COLQ: variants seen among roughly 807,000 people sequenced by gnomAD.
The protein encoded by COLQ is acetylcholinesterase collagenic tail peptide.
A neutral mutation model predicts 69.0 loss-of-function variants in COLQ; 48 were observed. The ratio of observed to expected loss-of-function variants is 0.70; its 90% CI spans 0.55 to 0.88. COLQ has a LOEUF of 0.88. Ranked by LOEUF, COLQ falls within the 40% of genes least tolerant of loss-of-function variation. The probability of loss-of-function intolerance (pLI) is 0.00; values close to 1 mark genes in which losing one functional copy is unlikely to be tolerated. For missense variants in COLQ, 618 were observed against 594.6 expected, an observed-to-expected ratio of 1.04 and a Z score of -0.41; for synonymous variants, 217 against 211.2, an observed-to-expected ratio of 1.03 and a Z score of -0.24.
chr3:15,518,312 A>C (rs1442557359), intron 1 of COLQ, among the ~76,000 whole-genome samples: 3 of 152,004 alleles, frequency 2.0e-5, no homozygotes, highest in Non-Finnish European at 4.4e-5. Context: ...AATCATTCTT[A>C]TCATCCGTCA....
At chr3:15,467,455 C>T (rs2062216192) in intron 11 of COLQ, among the ~76,000 whole-genome samples, 1 of 152,186 alleles carries the variant, frequency 6.6e-6, no homozygotes, top group Non-Finnish European at 1.5e-5. Context: ...TGGCTTGGTT[C>T]CATCTGTTTC....
Position 15,458,206 on chromosome 3 carries a change from T to C in COLQ, c.934A>G (p.Ser312Gly), listed in dbSNP as rs6782980. The C allele has an allele frequency of 0.019, 30,899 of 1,613,888 alleles. 1,008 individuals are homozygous for C. Among genetic ancestry groups the C allele is most frequent in the African/African-American group, 0.15 (10,896 of 75,004 alleles). The change falls in exon 13 of 17, where the codon AGT (serine) becomes GGT (glycine). Residue 312 changes from serine (S) to glycine (G), a missense_variant. Transcript: ENST00000383788. Reference sequence around the variant, plus strand: ...CTTACCACAGGAACTCGCGGGGAACTGGGCCCATACACAGATTCCCCGTAG... The same window carrying C: ...CTTACCACAGGAACTCGCGGGGAACCGGGCCCATACACAGATTCCCCGTAG... ...PSYGESVYGP[S>G]SPRVPVIFVV... is the part of the protein sequence containing the mutation.
At chr3:15,493,679 G>C (rs2062704459) in intron 1 of COLQ, among the ~76,000 whole-genome samples, 1 of 152,244 alleles carries the variant, frequency 6.6e-6, no homozygotes, top group Non-Finnish European at 1.5e-5. Context: ...AGCCTGCCCT[G>C]GACCAGACTC....
intron 16 of COLQ, among the ~76,000 whole-genome samples, chr3:15,452,506 C>T (rs2061961454): frequency 6.6e-6 from 1 of 152,200 alleles, no homozygotes; most frequent in African/African-American, 2.4e-5. Flanking sequence ...TTAAACCTTA[C>T]AGGCACAGTC....
chr3:15,498,624 A>G (rs1220894924), intron 1 of COLQ: 3 of 1,551,508 alleles, frequency 1.9e-6, no homozygotes, highest in South Asian at 1.2e-5. Context: ...GCCAGGGAAC[A>G]CTAGCCGGAG....
intron 6 of COLQ, among the ~76,000 whole-genome samples, chr3:15,476,598 C>T (rs904260537): frequency 6.6e-6 from 1 of 152,220 alleles, no homozygotes. Flanking sequence ...CGCCTCTGAA[C>T]CCTCTAGTCT....
rs150411543 is a variant in COLQ, at chr3:15,491,425, G to C, written c.107-1788C>G. 4.3e-3 allele frequency among the ~76,000 whole-genome samples: 659 copies of C among 152,190 alleles called. 9 individuals carry two copies. Among genetic ancestry groups the C allele is most frequent in the African/African-American group, 0.015 (620 of 41,532 alleles). On this transcript the variant is annotated intron_variant, in intron 1 of 16. Transcript: ENST00000383788. ...CCAGTTTTCTGTCTTATCTCCCAGG[G>C]GCCAGCATCTGCCGACCATCTCCAC...
intron 1 of COLQ, among the ~76,000 whole-genome samples, chr3:15,504,565 T>A (rs560088499): frequency 6.6e-6 from 1 of 152,138 alleles, no homozygotes; most frequent in Non-Finnish European, 1.5e-5. Context: ...TCTCCAAATA[T>A]AGTCACATTC....
intron 12 of COLQ, among the ~76,000 whole-genome samples, chr3:15,461,876 T>C (rs1011296251): frequency 1.3e-5 from 2 of 151,904 alleles, no homozygotes; most frequent in African/African-American, 4.8e-5. Flanking sequence ...TATACAGTTT[T>C]TTCCCCCCCG....
At chr3:15,499,522 G>A (rs2062802730) in intron 1 of COLQ, among the ~76,000 whole-genome samples, 1 of 152,164 alleles carries the variant, frequency 6.6e-6, no homozygotes. Context: ...ATACATGAAG[G>A]AATGAGATTG....
At position 15,479,023 on chromosome 3, in the gene COLQ, G is replaced by A. The variant is rs371561543; in HGVS notation, c.367-20C>T. ...CTCCCCCTATGGATGGAGAAGACAG[G>A]TAAGGAGAGGCTGCTTTGGAAGAGA... On this transcript the variant is annotated intron_variant, in intron 4 of 16. Coordinates refer to ENST00000383788, the MANE Select transcript of COLQ (RefSeq NM_005677.4). 7.2e-5 allele frequency: 117 copies of A among 1,614,198 alleles called. No homozygotes were observed. The Middle Eastern group carries it at 8.2e-4, about 11-fold the overall frequency.
At chr3:15,483,308 G>A (rs2062522746) in intron 3 of COLQ, among the ~76,000 whole-genome samples, 1 of 152,070 alleles carries the variant, frequency 6.6e-6, no homozygotes, top group Non-Finnish European at 1.5e-5. Context: ...TGATGTTAGG[G>A]TGTCTATTTT....
In COLQ at chr3:15,488,191, G is replaced by A. The variant is rs775084408; in HGVS notation, c.321+15C>T. 1 of 1,598,946 alleles carries A rather than the reference G, an allele frequency of 6.3e-7. No individual in the cohort carries two copies. The highest frequency in any genetic ancestry group is 8.6e-7 in the Non-Finnish European group (1 of 1,169,242). On this transcript the variant is annotated intron_variant, in intron 3 of 16. Coordinates refer to ENST00000383788, the MANE Select transcript of COLQ (RefSeq NM_005677.4). ...AACAGAAGACAGCGAGAGGGGTCCG[G>A]TAGAGTGCACCAACCTGGGGGCCGG...
intron 1 of COLQ, chr3:15,498,401 A>T (rs913462368): frequency 8.9e-7 from 1 of 1,120,318 alleles, no homozygotes; most frequent in Non-Finnish European, 1.2e-6. Context: ...AAAAATTTAA[A>T]GGCTGCTAAA....
chr3:15,494,414 C>A (rs2062715743), intron 1 of COLQ, among the ~76,000 whole-genome samples: 1 of 151,976 alleles, frequency 6.6e-6, no homozygotes, highest in Non-Finnish European at 1.5e-5. Context: ...TTGCAGGGTA[C>A]CCAGGGCAAC....
intron 1 of COLQ, among the ~76,000 whole-genome samples, chr3:15,500,565 G>A (rs889770279): frequency 2.0e-5 from 3 of 152,082 alleles, no homozygotes; most frequent in South Asian, 2.1e-4. Context: ...CTAGATGATC[G>A]CTGGGGTCCT....
intron 1 of COLQ, among the ~76,000 whole-genome samples, chr3:15,511,719 A>G (rs79199464): frequency 6.6e-6 from 1 of 152,102 alleles, no homozygotes; most frequent in South Asian, 2.1e-4. Context: ...ATTCCTGGAC[A>G]CTGTGCTCAG....
intron 1 of COLQ, among the ~76,000 whole-genome samples, chr3:15,490,624 A>G (rs1185845129): frequency 5.3e-5 from 8 of 152,228 alleles, no homozygotes; most frequent in Non-Finnish European, 1.0e-4. Flanking sequence ...CTGAGTGACT[A>G]TATCACAACC....
intron 1 of COLQ, among the ~76,000 whole-genome samples, chr3:15,503,445 G>A (rs962836070): frequency 3.8e-4 from 58 of 152,166 alleles, no homozygotes; most frequent in African/African-American, 1.4e-3. Flanking sequence ...GATGTAAAGG[G>A]CCTGCACCCC....
Sources: gnomAD v4.1 joint callset for allele counts (sites outside exome capture counted in the v4.1 genomes callset) on GRCh38, gnomAD v4.1.1 for gene constraint, MANE v1.5 for transcripts, NCBI Gene and HGNC (gene_info 2026-07-23, HGNC 2026-07-21) for gene names.